The following PCDH15 variants were observed in gnomAD, a reference collection of about 807,000 sequenced individuals.
PCDH15 encodes the protein protocadherin-15.
PCDH15 carries 129 observed loss-of-function variants against 178.5 expected under a neutral mutation model. The observed-to-expected ratio is 0.72, with a 90% CI of 0.63 to 0.84. The LOEUF is 0.84. Among genes scored for constraint, PCDH15 ranks in the 40% least tolerant of loss-of-function variants. PCDH15 has a pLI of 0.00. For synonymous variants in PCDH15, 800 were observed against 732.0 expected (o/e 1.09, Z -1.50); for missense variants, 2,230 against 2,099.9 (o/e 1.06, Z -1.21).
chr10:54,268,925 C>T (rs1190816150), intron 8 of PCDH15, among the ~76,000 whole-genome samples: 1 of 151,506 alleles, frequency 6.6e-6, no homozygotes, highest in African/African-American at 2.4e-5. Context: ...CTCTGCCTTG[C>T]ATATCTGACA....
intron 2 of PCDH15, among the ~76,000 whole-genome samples, chr10:55,092,821 CTAGACTCACA>C (rs1490546468): frequency 6.6e-6 from 1 of 151,882 alleles, no homozygotes; most frequent in Non-Finnish European, 1.5e-5. Context: ...AATACATAAT[CTAGACTCACA>C]TATTAAAACA....
intron 2 of PCDH15, among the ~76,000 whole-genome samples, chr10:54,627,147 T>C (rs1399486133): frequency 6.6e-6 from 1 of 152,206 alleles, no homozygotes; most frequent in African/African-American, 2.4e-5. Context: ...TACAGGCTCA[T>C]AGGCAGAAGG....
chr10:54,372,112 A>G (rs12259369), intron 4 of PCDH15, among the ~76,000 whole-genome samples: 3,385 of 152,000 alleles, frequency 0.022, 118 homozygotes, highest in African/African-American at 0.072. Flanking sequence ...CAAAATAAAT[A>G]TGTGTACTGT....
chr10:55,218,528 A>G (rs1840774394), intron 1 of PCDH15, among the ~76,000 whole-genome samples: 1 of 151,998 alleles, frequency 6.6e-6, no homozygotes, highest in African/African-American at 2.4e-5. Context: ...TCAGCCTAGT[A>G]GCTTTGGGTA....
In PCDH15 at chr10:54,467,973, C is replaced by CT. The variant is rs573538209; in HGVS notation, c.157+59838dup. Among the ~76,000 whole-genome samples, 20 of 152,010 alleles carry CT rather than the reference C, an allele frequency of 1.3e-4. No homozygotes were observed. In the East Asian group the frequency reaches 3.9e-3, roughly 29 times the overall value. On this transcript the variant is annotated intron_variant, in intron 3 of 37. Coordinates refer to ENST00000644397, the MANE Select transcript of PCDH15 (RefSeq NM_001384140.1). The stretch of plus-strand genomic sequence containing the variant: ...TTAGTGTAGGGTTATTCGTAATCGT[C>CT]TCTGGTGATCTCTTGTATTTCAGTG...
chr10:54,161,571 C>T (rs2045714380), intron 13 of PCDH15, among the ~76,000 whole-genome samples: 2 of 144,774 alleles, frequency 1.4e-5, no homozygotes, highest in Admixed American at 6.9e-5. Context: ...TTTGAATAAA[C>T]ACAGAAATTG....
intron 2 of PCDH15, among the ~76,000 whole-genome samples, chr10:55,097,825 T>C (rs1279462220): frequency 1.3e-5 from 2 of 152,108 alleles, no homozygotes; most frequent in African/African-American, 2.4e-5. Context: ...CTCATTGTAG[T>C]TGAGAGGGAA....
intron 11 of PCDH15, among the ~76,000 whole-genome samples, chr10:54,189,640 G>A (rs2048784993): frequency 6.6e-6 from 1 of 152,042 alleles, no homozygotes; most frequent in South Asian, 2.1e-4. Context: ...GTTAAGCAGA[G>A]AAACAAATTT....
intron 1 of PCDH15, among the ~76,000 whole-genome samples, chr10:54,796,262 C>G (rs868823937): frequency 2.3e-4 from 23 of 102,012 alleles, no homozygotes; most frequent in South Asian, 1.9e-3. Context: ...ATCTATCTAT[C>G]TATCTATCTA....
chr10:54,901,474 G>C (rs1207242399), intron 2 of PCDH15, among the ~76,000 whole-genome samples: 90 of 152,032 alleles, frequency 5.9e-4, no homozygotes, highest in Non-Finnish European at 1.5e-5. Context: ...TTATCATCTG[G>C]TGGCAATATA....
In PCDH15 at chr10:55,221,608, A is replaced by G. The variant is rs187939924; in HGVS notation, c.-155-54957T>C. On this transcript the variant is annotated intron_variant, in intron 1 of 5. Transcript: ENST00000458638. ...AAATTACCACACTCTCTCATAAGAT[A>G]CATTCATTAAGCTGAAATCTCATTC... Among the ~76,000 whole-genome samples, 93 of 152,162 alleles carry G rather than the reference A, an allele frequency of 6.1e-4. 2 individuals carry two copies. Among genetic ancestry groups the G allele is most frequent in the African/African-American group, 2.2e-3 (91 of 41,450 alleles).
At chr10:54,798,368 T>A (rs1952275891) in intron 1 of PCDH15, among the ~76,000 whole-genome samples, 1 of 151,930 alleles carries the variant, frequency 6.6e-6, no homozygotes, top group African/African-American at 2.4e-5. Context: ...AACAACAAAA[T>A]CCCATTACAA....
intron 27 of PCDH15, 98 bp downstream of exon 27, chr10:53,866,544 C>T (rs2079465589): frequency 1.1e-6 from 1 of 870,388 alleles, no homozygotes; most frequent in African/African-American, 1.7e-5. Flanking sequence ...TTTTTGAAAA[C>T]CCGTTTTAAA....
chr10:55,212,949 A>G (rs1840607365), intron 1 of PCDH15, among the ~76,000 whole-genome samples: 1 of 152,134 alleles, frequency 6.6e-6, no homozygotes, highest in Non-Finnish European at 1.5e-5. Context: ...TACAGCATGT[A>G]TTCTTATTAT....
chr10:55,246,584 T>G (rs960490342), intron 1 of PCDH15, among the ~76,000 whole-genome samples: 14 of 152,208 alleles, frequency 9.2e-5, no homozygotes, highest in Non-Finnish European at 1.6e-4. Context: ...GAAACTTTTG[T>G]TTCTAATCTA....
intron 1 of PCDH15, among the ~76,000 whole-genome samples, chr10:55,182,261 A>T (rs1386487809): frequency 6.6e-6 from 1 of 151,988 alleles, no homozygotes; most frequent in African/African-American, 2.4e-5. Flanking sequence ...AGTGAATAAA[A>T]ATAACTACAA....
intron 2 of PCDH15, among the ~76,000 whole-genome samples, chr10:55,053,028 A>T (rs891551363): frequency 2.0e-5 from 3 of 152,184 alleles, no homozygotes; most frequent in African/African-American, 7.2e-5. Flanking sequence ...GTGAGAGACA[A>T]GGAACCTCAT....
At chr10:55,349,497 A>G (rs980035817) in intron 2 of PCDH15, among the ~76,000 whole-genome samples, 7 of 152,090 alleles carry the variant, frequency 4.6e-5, no homozygotes, top group Non-Finnish European at 1.0e-4. Flanking sequence ...TCAAGATATA[A>G]TGGTTACCAT....
chr10:55,518,822 G>A (rs879387010), intron 2 of PCDH15, among the ~76,000 whole-genome samples: 1 of 151,904 alleles, frequency 6.6e-6, no homozygotes, highest in Admixed American at 6.6e-5. Context: ...GGGCCGGGGC[G>A]TGGTGGCTCA....
Sources: gnomAD v4.1 joint callset for allele counts (sites outside exome capture counted in the v4.1 genomes callset) on GRCh38, gnomAD v4.1.1 for gene constraint, MANE v1.5 for transcripts, NCBI Gene and HGNC (gene_info 2026-07-23, HGNC 2026-07-21) for gene names.